CHD9: variants seen among roughly 807,000 people sequenced by gnomAD.
The protein encoded by CHD9 is ATP-dependent chromatin remodeler CHD9.
CHD9 carries 77 observed loss-of-function variants against 316.1 expected under a neutral mutation model. That is an observed-to-expected ratio of 0.24 (90% CI 0.20 to 0.29). The LOEUF (loss-of-function observed/expected upper bound fraction) is 0.29, where lower values mean the gene tolerates loss of function less well. CHD9 is among the 10% of genes least tolerant of loss of function. The probability of loss-of-function intolerance (pLI) is 1.00; values close to 1 mark genes in which losing one functional copy is unlikely to be tolerated. For missense variants in CHD9, 2,763 were observed against 3,438.1 expected, an observed-to-expected ratio of 0.80 and a Z score of 4.91; for synonymous variants, 1,129 against 1,158.3, an observed-to-expected ratio of 0.97 and a Z score of 0.51.
chr16:53,326,706 C>G lies in CHD9; in HGVS notation c.*1811C>G, dbSNP rs1654004020. The G allele has an allele frequency of 6.6e-6, 1 of 152,216 alleles. No individual in the cohort carries two copies. Among genetic ancestry groups the G allele is most frequent in the African/African-American group, 2.4e-5 (1 of 41,358 alleles). The allele number at this position is 152,216 out of a possible 1,614,324, so 9.4% of individuals were successfully genotyped here. On this transcript the variant is annotated 3_prime_UTR_variant, in exon 39 of 39. Transcript: ENST00000447540. Reference sequence around the variant, plus strand: ...ATATATTACATATTTAGTATCTTCCCTTTGCAGTATTGCACTTTTGTTTAA... The same window carrying G: ...ATATATTACATATTTAGTATCTTCCGTTTGCAGTATTGCACTTTTGTTTAA...
chr16:53,275,155 C>A (rs145866616), intron 24 of CHD9, among the ~76,000 whole-genome samples: 1 of 152,134 alleles, frequency 6.6e-6, no homozygotes, highest in Non-Finnish European at 1.5e-5. Context: ...CCTCAGCTCC[C>A]TGAGTAGCTG....
chr16:53,246,680 C>A (rs922016462), intron 15 of CHD9, among the ~76,000 whole-genome samples: 2 of 151,994 alleles, frequency 1.3e-5, no homozygotes, highest in African/African-American at 2.4e-5. Flanking sequence ...CCATACCCAG[C>A]TGATTTCTTT....
chr16:53,322,340 G>T (rs2057331471), intron 38 of CHD9, among the ~76,000 whole-genome samples: 1 of 151,474 alleles, frequency 6.6e-6, no homozygotes, highest in Admixed American at 6.6e-5. Context: ...TAGTGCAGTG[G>T]CTCACCCCTG....
chr16:53,236,414 A>G (rs2152935845), intron 11 of CHD9, among the ~76,000 whole-genome samples: 1 of 152,210 alleles, frequency 6.6e-6, no homozygotes, highest in African/African-American at 2.4e-5. Flanking sequence ...GCCCTCATGT[A>G]TCAGACATGC....
intron 1 of CHD9, among the ~76,000 whole-genome samples, chr16:53,135,208 A>C (rs997792352): frequency 6.6e-6 from 1 of 152,190 alleles, no homozygotes; most frequent in Non-Finnish European, 1.5e-5. Flanking sequence ...ATAAGGCAGA[A>C]AACCATATGA....
intron 1 of CHD9, among the ~76,000 whole-genome samples, chr16:53,090,432 A>G (rs913700441): frequency 2.0e-5 from 3 of 152,170 alleles, no homozygotes; most frequent in Admixed American, 6.5e-5. Flanking sequence ...CCTTGTGAAA[A>G]CCAAAAGCAG....
intron 1 of CHD9, among the ~76,000 whole-genome samples, chr16:53,098,094 TG>T (rs2036532853): frequency 6.6e-6 from 1 of 151,922 alleles, no homozygotes; most frequent in Non-Finnish European, 1.5e-5. Flanking sequence ...CACTCCAGCC[TG>T]GGGGACAAGA....
At chr16:53,296,424 T>C (rs572553530) in intron 29 of CHD9, among the ~76,000 whole-genome samples, 1 of 148,526 alleles carries the variant, frequency 6.7e-6, no homozygotes, top group African/African-American at 2.5e-5. Flanking sequence ...TCCTTAACTA[T>C]TAAAAGTAAA....
At position 53,224,352 on chromosome 16, in the gene CHD9, A is replaced by G. The variant is rs573361450; in HGVS notation, c.1896+1597A>G. The stretch of plus-strand genomic sequence containing the variant: ...AAGAAAGATAATTGGTGAGAATGAT[A>G]CCTTATTTGGCTTTACCTAAGTAAT... On this transcript the variant is annotated intron_variant, in intron 4 of 38. Transcript: ENST00000447540. Among the ~76,000 whole-genome samples, 4 of 152,300 alleles carry G rather than the reference A, an allele frequency of 2.6e-5. No individual in the cohort carries two copies. The South Asian group carries it at 8.3e-4, about 32-fold the overall frequency.
intron 2 of CHD9, among the ~76,000 whole-genome samples, chr16:53,177,135 T>G (rs2043151060): frequency 6.6e-6 from 1 of 152,136 alleles, no homozygotes; most frequent in Non-Finnish European, 1.5e-5. Context: ...TTTGTGTTTT[T>G]CATAGAGATA....
At chr16:53,207,543 T>C (rs1355992355) in intron 2 of CHD9, among the ~76,000 whole-genome samples, 2 of 152,196 alleles carry the variant, frequency 1.3e-5, no homozygotes, top group Admixed American at 6.5e-5. Context: ...ATTTTCAAAA[T>C]AACACTGTTA....
chr16:53,089,431 C>T (rs1322320763), intron 1 of CHD9, among the ~76,000 whole-genome samples: 1 of 152,224 alleles, frequency 6.6e-6, no homozygotes, highest in East Asian at 1.9e-4. Context: ...TCTCATGGAG[C>T]ATTTTTTATT....
intron 2 of CHD9, chr16:53,208,375 G>T: frequency 7.8e-7 from 1 of 1,278,598 alleles, no homozygotes; most frequent in Non-Finnish European, 1.0e-6. Context: ...TGAGTGGGAG[G>T]AGGAGGGGTT....
intron 17 of CHD9, 75 bp downstream of exon 17, chr16:53,250,141 A>G (rs1023868337): frequency 1.3e-4 from 130 of 1,003,858 alleles, no homozygotes; most frequent in Middle Eastern, 4.7e-4. Flanking sequence ...GGTAATCCAC[A>G]TCTTTTATTT....
chr16:53,214,125 A>G (rs1168304906), intron 3 of CHD9, among the ~76,000 whole-genome samples: 1 of 152,166 alleles, frequency 6.6e-6, no homozygotes, highest in African/African-American at 2.4e-5. Flanking sequence ...AAAGGAGGAA[A>G]ATAACATTTG....
chr16:53,131,319 C>T (rs2039281384), intron 1 of CHD9: 1 of 154,564 alleles, frequency 6.5e-6, no homozygotes, highest in Non-Finnish European at 1.4e-5. Context: ...GCAGCCGCCG[C>T]CGCCGCCGCC....
intron 1 of CHD9, among the ~76,000 whole-genome samples, chr16:53,058,862 T>C (rs1020334694): frequency 2.0e-5 from 3 of 151,294 alleles, no homozygotes; most frequent in Non-Finnish European, 4.4e-5. Flanking sequence ...TTGGTTTCTT[T>C]TGTTGTTGTT....
At chr16:53,311,322 CTA>C (rs1377551976) in intron 34 of CHD9, 1 of 151,926 alleles carries the variant, frequency 6.6e-6, no homozygotes, top group African/African-American at 2.4e-5. Context: ...ATCTTTATTC[CTA>C]TGTTACTTTT....
intron 1 of CHD9, among the ~76,000 whole-genome samples, chr16:53,153,607 C>A (rs186012321): frequency 6.6e-6 from 1 of 152,274 alleles, no homozygotes; most frequent in Non-Finnish European, 1.5e-5. Flanking sequence ...TGGCTCACTG[C>A]AGCCTCAATC....
Sources: allele counts gnomAD v4.1 joint callset (sites outside exome capture counted in the v4.1 genomes callset), GRCh38; gene constraint gnomAD v4.1.1; transcripts MANE v1.5; gene names NCBI Gene and HGNC (gene_info 2026-07-23, HGNC 2026-07-21).